Variants in HDAC9 observed in about 807,000 individuals in gnomAD.
HDAC9 encodes the protein MEF-2 interacting transcription repressor (MITR) protein.
Under a neutral mutation model 139.4 loss-of-function variants are expected in HDAC9, and 41 were observed. That is an observed-to-expected ratio of 0.29 (90% CI 0.23 to 0.38). The LOEUF (loss-of-function observed/expected upper bound fraction) is 0.38. Ranked by LOEUF, HDAC9 falls within the 10% of genes least tolerant of loss-of-function variation. The probability of loss-of-function intolerance (pLI) is 1.00; values close to 1 mark genes in which losing one functional copy is unlikely to be tolerated. For missense variants in HDAC9, 1,147 were observed against 1,297.0 expected (o/e 0.88, Z 1.78); for synonymous variants, 517 against 476.2 (o/e 1.09, Z -1.12).
In HDAC9 at chr7:18,771,537, ATGTGTGTGTGTGTG is replaced by A. The variant is rs144486840; in HGVS notation, c.2214+4396_2214+4409del. Among the ~76,000 whole-genome samples the A allele has an allele frequency of 7.8e-3, 1,141 of 146,550 alleles. 12 individuals carry two copies. Among genetic ancestry groups the A allele is most frequent in the African/African-American group, 0.026 (1,065 of 40,586 alleles). ...CCCTCTTATTTATAAATTTACAGATATGTGTGTGTGTGTGTGTGTGTGTGTGTTTATATATACAA... is the reference window on the plus strand; with the variant it reads ...CCCTCTTATTTATAAATTTACAGATATGTGTGTGTGTGTTTATATATACAA... On this transcript the variant is annotated intron_variant, in intron 16 of 25. Transcript: ENST00000686413.
intron 2 of HDAC9, among the ~76,000 whole-genome samples, chr7:18,230,447 A>G (rs971533920): frequency 8.5e-5 from 13 of 152,194 alleles, no homozygotes; most frequent in African/African-American, 3.1e-4. Context: ...CGTATTCACC[A>G]TGTAACCTGG....
intron 1 of HDAC9, among the ~76,000 whole-genome samples, chr7:18,365,541 C>G (rs1229523061): frequency 6.6e-6 from 1 of 151,968 alleles, no homozygotes; most frequent in South Asian, 2.1e-4. Context: ...TCTTCTTTCT[C>G]CAATAATCCT....
intron 13 of HDAC9, among the ~76,000 whole-genome samples, chr7:18,735,527 C>T (rs2129137701): frequency 6.6e-6 from 1 of 152,208 alleles, no homozygotes; most frequent in East Asian, 1.9e-4. Flanking sequence ...TCAGGTTTGT[C>T]AAAGATCAGA....
intron 1 of HDAC9, among the ~76,000 whole-genome samples, chr7:18,090,511 C>A (rs189975026): frequency 1.3e-5 from 2 of 152,332 alleles, no homozygotes; most frequent in Admixed American, 6.5e-5. Flanking sequence ...GCCCTGCTGG[C>A]CTCACCCTAT....
intron 6 of HDAC9, among the ~76,000 whole-genome samples, chr7:18,622,296 A>G (rs1317159773): frequency 6.6e-6 from 1 of 152,168 alleles, no homozygotes; most frequent in African/African-American, 2.4e-5. Flanking sequence ...GTATATCCCA[A>G]ATATTCATTA....
intron 12 of HDAC9, among the ~76,000 whole-genome samples, chr7:18,723,874 A>T (rs577273869): frequency 9.9e-5 from 15 of 152,258 alleles, no homozygotes; most frequent in African/African-American, 3.6e-4. Context: ...TATCTATTGC[A>T]TTTTCTTAAT....
chr7:18,688,515 G>T (rs1368137498), intron 12 of HDAC9, among the ~76,000 whole-genome samples: 1 of 151,800 alleles, frequency 6.6e-6, no homozygotes, highest in African/African-American at 2.4e-5. Flanking sequence ...GACTCCTGAA[G>T]GTTACATGTT....
chr7:18,239,732 C>T (rs1237557791), intron 2 of HDAC9, among the ~76,000 whole-genome samples: 3 of 152,082 alleles, frequency 2.0e-5, no homozygotes, highest in African/African-American at 7.2e-5. Context: ...AAAATGGGCT[C>T]AGTTTCAAAT....
intron 1 of HDAC9, among the ~76,000 whole-genome samples, chr7:18,478,182 C>A (rs545497768): frequency 6.6e-6 from 1 of 152,268 alleles, no homozygotes; most frequent in African/African-American, 2.4e-5. Context: ...CGCCGTTTTC[C>A]TGCCTCAGCC....
intron 2 of HDAC9, among the ~76,000 whole-genome samples, chr7:18,283,229 C>T (rs1013484691): frequency 1.3e-5 from 2 of 152,126 alleles, no homozygotes; most frequent in African/African-American, 4.8e-5. Context: ...AAACAGGCAG[C>T]TTCTTCACAT....
At chr7:18,109,828 T>C (rs913639925) in intron 1 of HDAC9, among the ~76,000 whole-genome samples, 2 of 152,204 alleles carry the variant, frequency 1.3e-5, no homozygotes, top group African/African-American at 4.8e-5. Context: ...TAAGAAACTT[T>C]GCTTAAAATA....
At chr7:18,813,424 A>G (rs1252971352) in intron 17 of HDAC9, among the ~76,000 whole-genome samples, 2 of 143,536 alleles carry the variant, frequency 1.4e-5, no homozygotes, top group East Asian at 2.1e-4. Flanking sequence ...TGGATCTCCA[A>G]AACAGATTCA....
rs79695371 is a variant in HDAC9 at position 18,793,878 on chromosome 7, G to A, written c.2322+426G>A. On this transcript the variant is annotated intron_variant, in intron 17 of 25. Coordinates refer to ENST00000686413, the MANE Select transcript of HDAC9 (RefSeq NM_178425.4). ...AGGCAGAGAAAGGTAAATACCAGAC[G>A]GGAAGGATTGGGAGGAGGAAGGAAA... is the stretch of plus-strand genomic sequence containing the variant. Among the ~76,000 whole-genome samples, 21 of 152,242 alleles carry A rather than the reference G, an allele frequency of 1.4e-4. No individual in the cohort carries two copies. The East Asian group carries it at 3.1e-3, about 22-fold the overall frequency.
At chr7:18,796,038 A>G (rs1163784547) in intron 17 of HDAC9, among the ~76,000 whole-genome samples, 3 of 152,226 alleles carry the variant, frequency 2.0e-5, no homozygotes, top group East Asian at 1.9e-4. Flanking sequence ...CACATATTCT[A>G]TCCCATTCTC....
At chr7:18,848,581 A>G (rs1242267587) in intron 21 of HDAC9, among the ~76,000 whole-genome samples, 2 of 151,828 alleles carry the variant, frequency 1.3e-5, no homozygotes, top group African/African-American at 4.8e-5. Context: ...TCAGGGCCCA[A>G]CCATCCTGGC....
intron 23 of HDAC9, among the ~76,000 whole-genome samples, chr7:18,947,451 G>C (rs530561877): frequency 6.6e-6 from 1 of 151,676 alleles, no homozygotes; most frequent in South Asian, 2.1e-4. Context: ...AGGATGACAA[G>C]AAAATATTAA....
intron 1 of HDAC9, among the ~76,000 whole-genome samples, chr7:18,097,185 C>A (rs1782562036): frequency 2.6e-5 from 4 of 152,148 alleles, no homozygotes; most frequent in Admixed American, 1.3e-4. Flanking sequence ...AATGTACTTT[C>A]TCAAACTTAT....
At chr7:18,624,465 C>A (rs555429843) in intron 6 of HDAC9, among the ~76,000 whole-genome samples, 1 of 152,208 alleles carries the variant, frequency 6.6e-6, no homozygotes, top group South Asian at 2.1e-4. Context: ...AGCACACACA[C>A]TAAAAAGCTT....
intron 2 of HDAC9, among the ~76,000 whole-genome samples, chr7:18,542,622 A>T (rs1813384789): frequency 6.6e-6 from 1 of 152,184 alleles, no homozygotes; most frequent in Admixed American, 6.5e-5. Context: ...TAATCAAGAA[A>T]ACACAAAATA....
Sources: allele counts gnomAD v4.1 joint callset (sites outside exome capture counted in the v4.1 genomes callset), GRCh38; gene constraint gnomAD v4.1.1; transcripts MANE v1.5; gene names NCBI Gene and HGNC (gene_info 2026-07-23, HGNC 2026-07-21).